Variants in TMPRSS13 observed in about 807,000 individuals in gnomAD.
The protein encoded by TMPRSS13 is transmembrane serine protease 13.
Under a neutral mutation model 68.4 loss-of-function variants are expected in TMPRSS13, and 50 were observed. That is an observed-to-expected ratio of 0.73 (90% confidence interval 0.58 to 0.93). The LOEUF (loss-of-function observed/expected upper bound fraction) is 0.93. Among genes scored for constraint, TMPRSS13 ranks in the 40% least tolerant of loss-of-function variants. The probability of loss-of-function intolerance (pLI) is 0.00; values close to 1 mark genes in which losing one functional copy is unlikely to be tolerated. For synonymous variants in TMPRSS13, 267 were observed against 285.8 expected, an observed-to-expected ratio of 0.93 and a Z score of 0.66; for missense variants, 615 against 729.2, an observed-to-expected ratio of 0.84 and a Z score of 1.80.
At chr11:117,926,734 G>T (rs142589403) in intron 1 of TMPRSS13, among the ~76,000 whole-genome samples, 456 of 152,328 alleles carry the variant, frequency 3.0e-3, no homozygotes, top group African/African-American at 9.2e-3. Context: ...GGAGCCTCAG[G>T]GGGGAATGTG....
At chr11:117,927,014 G>A (rs866676721) in intron 1 of TMPRSS13, among the ~76,000 whole-genome samples, 17 of 152,096 alleles carry the variant, frequency 1.1e-4, no homozygotes, top group Admixed American at 2.0e-4. Context: ...TTTTAAGTTC[G>A]GATCAAAAGG....
rs984350162 is a variant in TMPRSS13, at chr11:117,914,800, C to A, written c.557-286G>T. ...GAGAGTGCTGTGGAGATGGGGACCACCTTGGGAACTCCCCTCCCTACATGC... is the reference window on the plus strand; with the variant it reads ...GAGAGTGCTGTGGAGATGGGGACCAACTTGGGAACTCCCCTCCCTACATGC... On this transcript the variant is annotated intron_variant, in intron 3 of 12. Coordinates refer to ENST00000524993, the MANE Select transcript of TMPRSS13 (RefSeq NM_001077263.3). The surrounding 1 kb of genome is among the most constrained non-coding windows in gnomAD (Gnocchi z 4.2). 2.6e-5 allele frequency among the ~76,000 whole-genome samples: 4 copies of A among 152,114 alleles called. No homozygotes were observed. Among genetic ancestry groups the A allele is most frequent in the African/African-American group, 4.8e-5 (2 of 41,412 alleles).
At chr11:117,910,550 G>T in intron 7 of TMPRSS13, 157 bp downstream of exon 7, 4 of 629,018 alleles carry the variant, frequency 6.4e-6, no homozygotes, top group Non-Finnish European at 1.1e-5. Flanking sequence ...GTGTACCGGT[G>T]CCTTACAGGG....
At chr11:117,921,144 C>T (rs1241027150) in intron 1 of TMPRSS13, among the ~76,000 whole-genome samples, 1 of 152,120 alleles carries the variant, frequency 6.6e-6, no homozygotes, top group Non-Finnish European at 1.5e-5. Context: ...AGAACATGCC[C>T]AAATTCACAC....
In TMPRSS13 at chr11:117,906,312, T is replaced by G. The variant is rs1456259252; in HGVS notation, c.1283-576A>C. 3.3e-5 allele frequency among the ~76,000 whole-genome samples: 5 copies of G among 152,234 alleles called. 1 individual carries two copies. The East Asian group carries it at 9.6e-4, about 29-fold the overall frequency. On this transcript the variant is annotated intron_variant, in intron 9 of 12. Transcript: ENST00000524993. ...ACAGACCACAGAATTCCTGCTAACT[T>G]GATCCCACATTCAGAAATATTATAT...
rs1409343149 is a variant in TMPRSS13, at chr11:117,918,304, G to A, written c.451+105C>T. ...CCCACCCCCCTACCTCCCCTTCCCC[G>A]CATCGTTGTCTGCTATGAGAGCAGA... On this transcript the variant is annotated intron_variant, in intron 2 of 12. Coordinates refer to ENST00000524993, the MANE Select transcript of TMPRSS13 (RefSeq NM_001077263.3). The A allele has an allele frequency of 7.4e-5, 60 of 811,556 alleles. 1 individual carries two copies. The highest frequency in any genetic ancestry group is 1.9e-4 in the East Asian group (5 of 26,192). The allele number at this position is 811,556 out of a possible 1,614,324, so 50.3% of individuals were successfully genotyped here. A position where few individuals can be genotyped will look rare whatever the true frequency, so the allele number is the denominator to read the frequency against.
In TMPRSS13 at chr11:117,922,381, C is replaced by T. The variant is rs376627281; in HGVS notation, c.22-3543G>A. Among the ~76,000 whole-genome samples the T allele has an allele frequency of 6.6e-5, 10 of 152,292 alleles. No homozygotes were observed. The highest frequency in any genetic ancestry group is 6.2e-4 in the South Asian group (3 of 4,820). On this transcript the variant is annotated intron_variant, in intron 1 of 12. Coordinates refer to ENST00000524993, the MANE Select transcript of TMPRSS13 (RefSeq NM_001077263.3). This position sits in a 1 kb window ranked among gnomAD's most constrained non-coding sequence, Gnocchi z 4.2. ...TCCTGAGTACCTGGGACTACAGGCA[C>T]GCGCCACTGTGCCCAGCTAATTTTT...
chr11:117,914,451 T>C lies in TMPRSS13; in HGVS notation c.620A>G (p.His207Arg). Residue 207 changes from histidine (H) to arginine (R), a missense_variant, in exon 4 of 13, where the codon CAC (histidine) becomes CGC (arginine). Physicochemically the swap from His to Arg is conservative, Grantham distance 29 (BLOSUM62 0). Transcript: ENST00000524993. This position sits in a 1 kb window ranked among gnomAD's most constrained non-coding sequence, Gnocchi z 4.2. ...CACCACCCCGTCACAGCGAACAGCG[T>C]GCTTGGGACAGCTCTCCCTCTGCTC... The part of the protein sequence containing the change: ...YKEQRESCPK[H>R]AVRCDGVVDC... 21 of 1,614,080 alleles carry C rather than the reference T, an allele frequency of 1.3e-5. No individual in the cohort carries two copies. Among genetic ancestry groups the C allele is most frequent in the Non-Finnish European group, 1.6e-5 (19 of 1,180,006 alleles).
In TMPRSS13 at chr11:117,918,605, AGATGCCTGGGCTG is replaced by A. The variant is rs775674859; in HGVS notation, c.242_254del (p.Pro81LeufsTer28). The A allele has an allele frequency of 0.015, 1,602 of 107,016 alleles. 14 individuals are homozygous for A. Among genetic ancestry groups the A allele is most frequent in the Middle Eastern group, 0.051 (25 of 488 alleles). 6.6% of individuals were successfully genotyped at this position (107,016 alleles called of 1,614,324 possible). ...CCAGAGCCGGAGATGCCCGGGCTGG[AGATGCCTGGGCTG>A]GAGATGCCTGGGCTGGAGATGCCCG... is the stretch of plus-strand genomic sequence containing the variant. On this transcript the variant is annotated frameshift_variant, in exon 2 of 13. Transcript: ENST00000524993. LOFTEE classifies it high-confidence loss of function.
chr11:117,905,434 A>T (rs898820899), intron 10 of TMPRSS13, among the ~76,000 whole-genome samples: 37 of 152,106 alleles, frequency 2.4e-4, no homozygotes, highest in Admixed American at 2.0e-4. Flanking sequence ...TCTTGATTGG[A>T]GGGCATTGTC....
chr11:117,918,493 T>C lies in TMPRSS13; in HGVS notation c.367A>G (p.Arg123Gly). Residue 123 changes from arginine to glycine, a missense_variant, in exon 2 of 13, where the codon AGA becomes GGA. Physicochemically the swap from Arg to Gly is moderately radical, Grantham distance 125 (BLOSUM62 -2). Coordinates refer to ENST00000524993, the MANE Select transcript of TMPRSS13 (RefSeq NM_001077263.3). ...GGTACAGCCCCCACTGGTGTTGCTC[T>C]AACAAGGTACACTCTGGTTGGGGAG... ...TTSPTRVYLV[R>G]ATPVGAVPIR... 1 of 1,614,202 alleles carries C rather than the reference T, an allele frequency of 6.2e-7. No individual in the cohort carries two copies. Among genetic ancestry groups the C allele is most frequent in the Non-Finnish European group, 8.5e-7 (1 of 1,180,030 alleles).
rs11821311 is a variant in TMPRSS13 at position 117,901,464 on chromosome 11, C to T, written c.*775G>A. 11,671 of 152,546 alleles carry T rather than the reference C, an allele frequency of 0.077. 492 individuals carry two copies. Among genetic ancestry groups the T allele is most frequent in the Middle Eastern group, 0.13 (37 of 294 alleles). 9.4% of individuals were successfully genotyped at this position (152,546 alleles called of 1,614,324 possible). ...AAATATTCTGTAGGACTCTAAAATA[C>T]GACATTTCCCATGAATCCCCTGGGG... On this transcript the variant is annotated 3_prime_UTR_variant, in exon 13 of 13. Transcript: ENST00000524993.
Position 117,917,176 on chromosome 11 carries a change from T to C in TMPRSS13, c.550A>G (p.Ile184Val), listed in dbSNP as rs1324003313. Residue 184 changes from isoleucine (I) to valine (V), a missense_variant, in exon 3 of 13, where the codon ATC becomes GTC. Physicochemically the swap from Ile to Val is conservative, Grantham distance 29. Coordinates refer to ENST00000524993, the MANE Select transcript of TMPRSS13 (RefSeq NM_001077263.3). ...LLIALVVSLI[I>V]LFQFWQGHTG... is the part of the protein sequence containing the mutation. ...CACCCTCCATTCAACTCACAGAGGA[T>C]GATGAGCGAAACCACCAGGGCAATG... The C allele has an allele frequency of 6.2e-7, 1 of 1,611,726 alleles. No individual in the cohort carries two copies. Among genetic ancestry groups the C allele is most frequent in the Non-Finnish European group, 8.5e-7 (1 of 1,179,894 alleles).
intron 5 of TMPRSS13, among the ~76,000 whole-genome samples, chr11:117,912,476 T>A (rs1274440235): frequency 6.6e-6 from 1 of 152,262 alleles, no homozygotes; most frequent in Non-Finnish European, 1.5e-5. Context: ...TAAGTCCTAA[T>A]CCCAGAGATT....
At chr11:117,928,864 G>T (rs1376282265) in intron 1 of TMPRSS13, among the ~76,000 whole-genome samples, 1 of 152,192 alleles carries the variant, frequency 6.6e-6, no homozygotes, top group Admixed American at 6.5e-5. Flanking sequence ...GTAGTGAGGG[G>T]TTTAGACAAG....
rs2057414276 is a variant in TMPRSS13 at position 117,902,073 on chromosome 11, CA to C, written c.*165del. 27 of 65,422 alleles carry C rather than the reference CA, an allele frequency of 4.1e-4. No homozygotes were observed. Among genetic ancestry groups the C allele is most frequent in the Non-Finnish European group, 8.1e-4 (26 of 32,068 alleles). 4.1% of individuals were successfully genotyped at this position (65,422 alleles called of 1,614,324 possible). Reference sequence around the variant, plus strand: ...GGGAGAGTGGCAATGCACACATATGCACACACACACACACACACACACACAC... The same window carrying C: ...GGGAGAGTGGCAATGCACACATATGCCACACACACACACACACACACACAC... On this transcript the variant is annotated 3_prime_UTR_variant, in exon 13 of 13. Transcript: ENST00000524993.
chr11:117,906,551 G>T (rs983259819), intron 9 of TMPRSS13, among the ~76,000 whole-genome samples: 1 of 152,190 alleles, frequency 6.6e-6, no homozygotes, highest in Non-Finnish European at 1.5e-5. Flanking sequence ...TGTTTAAAAA[G>T]ATAGAGACAA....
At chr11:117,908,148 C>T in intron 9 of TMPRSS13, 2 of 855,114 alleles carry the variant, frequency 2.3e-6, no homozygotes, top group South Asian at 5.3e-5. Context: ...CCAGAGCTAC[C>T]ACCTATTACT....
intron 1 of TMPRSS13, among the ~76,000 whole-genome samples, chr11:117,920,444 T>C (rs1416677307): frequency 1.3e-5 from 2 of 152,050 alleles, no homozygotes; most frequent in East Asian, 1.9e-4. Flanking sequence ...GTTCAAGCTA[T>C]TCTCCTGCCT....
Sources: allele counts gnomAD v4.1 joint callset (sites outside exome capture counted in the v4.1 genomes callset), GRCh38; gene constraint gnomAD v4.1.1; non-coding constraint Gnocchi (gnomAD v3.1); transcripts MANE v1.5; gene names NCBI Gene and HGNC (gene_info 2026-07-23, HGNC 2026-07-21).